Variants in SPHKAP observed in about 807,000 individuals in gnomAD.
SPHKAP encodes the protein A-kinase anchor protein SPHKAP.
In SPHKAP, 67 loss-of-function variants were observed where a neutral mutation model predicts 137.5. That is an observed-to-expected ratio of 0.49 (90% CI 0.40 to 0.60). The LOEUF (loss-of-function observed/expected upper bound fraction) is 0.60. Ranked by LOEUF, SPHKAP falls within the 20% of genes least tolerant of loss-of-function variation. The pLI is 0.00. For synonymous variants in SPHKAP, 813 were observed against 785.3 expected (o/e 1.04, Z -0.59); for missense variants, 2,097 against 2,069.3 (o/e 1.01, Z -0.26).
At chr2:228,112,633 C>T (rs562706189) in intron 2 of SPHKAP, among the ~76,000 whole-genome samples, 4 of 152,106 alleles carry the variant, frequency 2.6e-5, no homozygotes, top group African/African-American at 4.8e-5. Flanking sequence ...CCTCCCACTG[C>T]GAAGATTCCA....
chr2:228,064,180 G>A (rs771208270), intron 3 of SPHKAP, among the ~76,000 whole-genome samples: 17 of 152,250 alleles, frequency 1.1e-4, no homozygotes, highest in Middle Eastern at 3.4e-3. Context: ...TAGGCATAGC[G>A]ACCCTAAATG....
At chr2:228,134,216 G>A (rs1039502600) in intron 1 of SPHKAP, among the ~76,000 whole-genome samples, 1 of 131,676 alleles carries the variant, frequency 7.6e-6, no homozygotes, top group African/African-American at 3.0e-5. Context: ...GAGGAAGGAA[G>A]GAAGGGAAGG....
chr2:228,109,497 G>T, intron 2 of SPHKAP: 1 of 440,168 alleles, frequency 2.3e-6, no homozygotes, highest in Non-Finnish European at 3.0e-6. Context: ...TTGCCATTTA[G>T]AAATAGCACG....
chr2:228,152,488 T>A (rs1699966277), intron 1 of SPHKAP, among the ~76,000 whole-genome samples: 1 of 152,148 alleles, frequency 6.6e-6, no homozygotes, highest in Admixed American at 6.5e-5. Context: ...TACTTATTAG[T>A]ATTTCATGTT....
At chr2:228,011,119 A>T (rs1238143869) in intron 7 of SPHKAP, among the ~76,000 whole-genome samples, 1 of 152,228 alleles carries the variant, frequency 6.6e-6, no homozygotes. Flanking sequence ...CCTGGACCAC[A>T]AGTATAATGC....
intron 1 of SPHKAP, among the ~76,000 whole-genome samples, chr2:228,138,300 C>T (rs143722548): frequency 1.3e-5 from 2 of 152,266 alleles, no homozygotes; most frequent in African/African-American, 4.8e-5. Flanking sequence ...TCCACTCGTC[C>T]TTGCTGTATT....
At chr2:228,074,580 C>T (rs2106305939) in intron 3 of SPHKAP, among the ~76,000 whole-genome samples, 1 of 152,286 alleles carries the variant, frequency 6.6e-6, no homozygotes, top group Middle Eastern at 3.4e-3. Flanking sequence ...ATTCAATTAA[C>T]TCCACCTGGC....
chr2:228,153,208 C>T (rs1352861198), intron 1 of SPHKAP, among the ~76,000 whole-genome samples: 3 of 152,058 alleles, frequency 2.0e-5, no homozygotes, highest in Non-Finnish European at 4.4e-5. Flanking sequence ...ACTAATGCAC[C>T]CTCCTAACTT....
chr2:228,018,985 A>G lies in SPHKAP; in HGVS notation c.1869T>C (p.Ala623=), dbSNP rs1219878302. 24 of 1,613,936 alleles carry G rather than the reference A, an allele frequency of 1.5e-5. No individual in the cohort carries two copies. The Admixed American group carries it at 4.0e-4, about 27-fold the overall frequency. Residue 623 remains alanine, a synonymous_variant, in exon 7 of 12, where the codon GCT becomes GCC. Transcript: ENST00000392056. ...EAIAKGLLKE[A]ALVLTRPNTY... is the part of the protein sequence containing the mutation. ...TATTAGGCCTTGTTAAAACCAGAGC[A>G]GCCTCCTTGAGCAATCCCTTGGCAA...
intron 3 of SPHKAP, among the ~76,000 whole-genome samples, chr2:228,086,129 C>T (rs1435978510): frequency 6.6e-6 from 1 of 151,958 alleles, no homozygotes; most frequent in East Asian, 1.9e-4. Context: ...GTATGAAGAG[C>T]TCTTAGGACA....
chr2:228,157,088 G>C (rs1024855448), intron 1 of SPHKAP, among the ~76,000 whole-genome samples: 2 of 152,128 alleles, frequency 1.3e-5, no homozygotes, highest in Admixed American at 6.5e-5. Context: ...AGAGAAGAGA[G>C]ACAGAAAAGC....
At chr2:228,051,498 G>C (rs1412768770) in intron 3 of SPHKAP, among the ~76,000 whole-genome samples, 3 of 152,096 alleles carry the variant, frequency 2.0e-5, no homozygotes, top group African/African-American at 7.2e-5. Context: ...ATAAGAACGT[G>C]CTCTGAGGCT....
At chr2:228,087,414 T>C (rs1024289765) in intron 3 of SPHKAP, among the ~76,000 whole-genome samples, 1 of 152,100 alleles carries the variant, frequency 6.6e-6, no homozygotes, top group South Asian at 2.1e-4. Context: ...AATAAGAACA[T>C]GTAACCCATA....
Position 227,980,085 on chromosome 2 carries a change from A to G in SPHKAP, c.*1632T>C, listed in dbSNP as rs888048203. 6.5e-6 allele frequency: 1 copy of G among 152,800 alleles called. No homozygotes were observed. Among genetic ancestry groups the G allele is most frequent in the East Asian group, 1.9e-4 (1 of 5,184 alleles). 9.5% of individuals were successfully genotyped at this position (152,800 alleles called of 1,614,324 possible). On this transcript the variant is annotated 3_prime_UTR_variant, in exon 12 of 12. Coordinates refer to ENST00000392056, the MANE Select transcript of SPHKAP (RefSeq NM_001142644.2). The stretch of plus-strand genomic sequence containing the variant: ...ATTTATTTGAGCACAACAAAAGTCT[A>G]CACACAGTATTCTGGGATTGTTTAA...
chr2:228,110,169 A>G (rs1289051284), intron 2 of SPHKAP, among the ~76,000 whole-genome samples: 1 of 151,966 alleles, frequency 6.6e-6, no homozygotes, highest in Non-Finnish European at 1.5e-5. Context: ...TCATTCGTAC[A>G]ACAAAAGATT....
At chr2:228,104,475 A>G (rs1253194528) in intron 3 of SPHKAP, among the ~76,000 whole-genome samples, 2 of 150,780 alleles carry the variant, frequency 1.3e-5, no homozygotes, top group Admixed American at 1.3e-4. Flanking sequence ...AGAACAACTT[A>G]TCAACTGTGG....
At chr2:228,082,667 T>C (rs887092472) in intron 3 of SPHKAP, among the ~76,000 whole-genome samples, 4 of 152,158 alleles carry the variant, frequency 2.6e-5, no homozygotes, top group African/African-American at 9.7e-5. Context: ...GTGAAGACAG[T>C]GCAAGAAAGG....
intron 1 of SPHKAP, among the ~76,000 whole-genome samples, chr2:228,170,391 T>C (rs1700547618): frequency 6.6e-6 from 1 of 152,138 alleles, no homozygotes; most frequent in South Asian, 2.1e-4. Flanking sequence ...AAAGTTCTAC[T>C]ATGGGCAAAA....
At chr2:227,996,075 G>T (rs917652056) in intron 7 of SPHKAP, 1 of 982,650 alleles carries the variant, frequency 1.0e-6, no homozygotes, top group African/African-American at 1.7e-5. Context: ...CCACAAATCT[G>T]CATTTTTATC....
Sources: gnomAD v4.1 joint callset for allele counts (sites outside exome capture counted in the v4.1 genomes callset) on GRCh38, gnomAD v4.1.1 for gene constraint, MANE v1.5 for transcripts, NCBI Gene and HGNC (gene_info 2026-07-23, HGNC 2026-07-21) for gene names.